The following IL1RAPL1 variants were observed in gnomAD, a reference collection of about 807,000 sequenced individuals.
IL1RAPL1 encodes interleukin-1 receptor accessory protein-like 1.
Under a neutral mutation model 48.4 loss-of-function variants are expected in IL1RAPL1, and 3 were observed. The ratio of observed to expected loss-of-function variants is 0.06; its 90% CI spans 0.03 to 0.16. The LOEUF (loss-of-function observed/expected upper bound fraction) is 0.16, where lower values mean the gene tolerates loss of function less well. Among genes scored for constraint, IL1RAPL1 ranks in the 10% least tolerant of loss-of-function variants. IL1RAPL1 has a pLI of 1.00. For synonymous variants in IL1RAPL1, 185 were observed against 187.7 expected (o/e 0.99, Z 0.12); for missense variants, 349 against 530.6 (o/e 0.66, Z 3.36).
intron 6 of IL1RAPL1, among the ~76,000 whole-genome samples, chrX:29,805,259 C>G (rs901564913): frequency 8.9e-6 from 1 of 111,966 alleles, no homozygotes; most frequent in East Asian, 2.8e-4. Flanking sequence ...ACTTCTATTT[C>G]TGTAACATAT....
At chrX:29,506,388 T>G (rs1234893335) in intron 5 of IL1RAPL1, among the ~76,000 whole-genome samples, 2 of 110,959 alleles carry the variant, frequency 1.8e-5, no homozygotes, top group Non-Finnish European at 3.8e-5. Flanking sequence ...AAAGATTCTT[T>G]TAATTTACCT....
intron 2 of IL1RAPL1, among the ~76,000 whole-genome samples, chrX:29,127,466 A>G (rs1253109454): frequency 8.9e-6 from 1 of 111,880 alleles, no homozygotes; most frequent in African/African-American, 3.3e-5. Context: ...TTCTTCTATC[A>G]TTTTAATGCT....
At chrX:29,227,067 A>G (rs1349935419) in intron 2 of IL1RAPL1, among the ~76,000 whole-genome samples, 13 of 109,783 alleles carry the variant, frequency 1.2e-4, no homozygotes, top group Non-Finnish European at 1.9e-4. Flanking sequence ...CTTTTATCCT[A>G]TTAAATTTAA....
At chrX:29,203,077 T>G (rs1008305385) in intron 2 of IL1RAPL1, among the ~76,000 whole-genome samples, 1 of 111,551 alleles carries the variant, frequency 9.0e-6, no homozygotes, top group African/African-American at 3.3e-5. Context: ...AGTACAGAAC[T>G]GAGATCTGTA....
chrX:29,455,281 T>A (rs992620863), intron 5 of IL1RAPL1, among the ~76,000 whole-genome samples: 1 of 111,978 alleles, frequency 8.9e-6, no homozygotes, highest in Non-Finnish European at 1.9e-5. Context: ...ACCAGAGATT[T>A]TTTTCTTTTC....
chrX:29,743,675 G>A (rs1265107179), intron 6 of IL1RAPL1, among the ~76,000 whole-genome samples: 1 of 110,924 alleles, frequency 9.0e-6, no homozygotes, highest in African/African-American at 3.3e-5. Context: ...AGTACAGACG[G>A]GGTTTCACCA....
intron 6 of IL1RAPL1, among the ~76,000 whole-genome samples, chrX:29,886,494 G>C (rs1486891325): frequency 8.9e-6 from 1 of 111,825 alleles, no homozygotes; most frequent in Non-Finnish European, 1.9e-5. Context: ...GTTCCCCTTA[G>C]GCATTGAATT....
chrX:29,750,222 G>A (rs1158336001), intron 6 of IL1RAPL1, among the ~76,000 whole-genome samples: 1 of 111,953 alleles, frequency 8.9e-6, no homozygotes, highest in African/African-American at 3.2e-5. Flanking sequence ...ACATTAAGAG[G>A]CAGATGGTAA....
At chrX:29,883,551 T>C (rs900724295) in intron 6 of IL1RAPL1, among the ~76,000 whole-genome samples, 1 of 112,375 alleles carries the variant, frequency 8.9e-6, no homozygotes, top group Admixed American at 9.5e-5. Context: ...AAGATTGCAT[T>C]CATATCTGCC....
intron 5 of IL1RAPL1, among the ~76,000 whole-genome samples, chrX:29,594,363 T>G (rs1301963539): frequency 9.0e-6 from 1 of 111,632 alleles, no homozygotes; most frequent in Non-Finnish European, 1.9e-5. Flanking sequence ...GTGAATGTAT[T>G]GTGTTTCTTA....
intron 6 of IL1RAPL1, among the ~76,000 whole-genome samples, chrX:29,734,173 A>G (rs911834067): frequency 2.7e-5 from 3 of 112,924 alleles, no homozygotes; most frequent in South Asian, 3.6e-4. Context: ...TTGGAGAAGT[A>G]ATAGGCACAG....
chrX:29,179,196 A>G, intron 2 of IL1RAPL1, among the ~76,000 whole-genome samples: 1 of 110,894 alleles, frequency 9.0e-6, no homozygotes, highest in East Asian at 2.8e-4. Flanking sequence ...CAGTATGGCC[A>G]TTTTCACGAT....
At chrX:29,112,552 G>GT (rs1422127819) in intron 2 of IL1RAPL1, among the ~76,000 whole-genome samples, 1 of 107,724 alleles carries the variant, frequency 9.3e-6, no homozygotes, top group Non-Finnish European at 1.9e-5. Flanking sequence ...CTGAACTGCA[G>GT]TAACTACCCT....
At chrX:28,658,342 T>C (rs555684246) in intron 1 of IL1RAPL1, among the ~76,000 whole-genome samples, 1 of 111,796 alleles carries the variant, frequency 8.9e-6, no homozygotes, top group African/African-American at 3.3e-5. Flanking sequence ...CTCAGCCTCC[T>C]GAGTAGCTGG....
At chrX:29,407,008 T>C (rs1602220315) in intron 5 of IL1RAPL1, among the ~76,000 whole-genome samples, 1 of 112,493 alleles carries the variant, frequency 8.9e-6, no homozygotes, top group East Asian at 2.8e-4. Context: ...TTCTGGAATG[T>C]ATTATTTCAC....
intron 1 of IL1RAPL1, among the ~76,000 whole-genome samples, chrX:28,702,364 T>C (rs1215825104): frequency 8.9e-6 from 1 of 111,907 alleles, no homozygotes; most frequent in Non-Finnish European, 1.9e-5. Flanking sequence ...TGAAAACAAT[T>C]GAAAAATACT....
intron 2 of IL1RAPL1, among the ~76,000 whole-genome samples, chrX:29,268,433 T>C (rs1188213591): frequency 2.7e-5 from 3 of 111,833 alleles, no homozygotes; most frequent in African/African-American, 6.5e-5. Context: ...CTCAAGTGGG[T>C]CTCTGTGTAG....
rs187971048 is a variant in IL1RAPL1, at chrX:29,010,124, G to A, written c.82+220699G>A. Among the ~76,000 whole-genome samples, 391 of 112,220 alleles carry A rather than the reference G, an allele frequency of 3.5e-3. 3 individuals carry two copies. The highest frequency in any genetic ancestry group is 0.012 in the African/African-American group (377 of 30,947). On this transcript the variant is annotated intron_variant, in intron 2 of 10. Transcript: ENST00000378993. ...TGCTTTTGTATACTGAAGCTTTACT[G>A]AAGTCATTTATCAGTTTCAGGGGCC...
chrX:28,684,524 T>G (rs1049046917), intron 1 of IL1RAPL1, among the ~76,000 whole-genome samples: 22 of 112,366 alleles, frequency 2.0e-4, no homozygotes, highest in Admixed American at 7.6e-4. Flanking sequence ...GTAAAATATG[T>G]TCTAAAACTA....
Sources: gnomAD v4.1 joint callset for allele counts (sites outside exome capture counted in the v4.1 genomes callset) on GRCh38, gnomAD v4.1.1 for gene constraint, MANE v1.5 for transcripts, NCBI Gene and HGNC (gene_info 2026-07-23, HGNC 2026-07-21) for gene names.